The following CNOT6L variants were observed in gnomAD, a reference collection of about 807,000 sequenced individuals.
The protein encoded by CNOT6L is CCR4-NOT transcription complex subunit 6-like.
In CNOT6L, 7 loss-of-function variants were observed where a neutral mutation model predicts 64.0. The ratio of observed to expected loss-of-function variants is 0.11; its 90% confidence interval spans 0.06 to 0.21. The LOEUF (loss-of-function observed/expected upper bound fraction) is 0.21. Among genes scored for constraint, CNOT6L ranks in the 10% least tolerant of loss-of-function variants. The pLI, the probability that CNOT6L is intolerant of heterozygous loss-of-function variation, is 1.00. For missense variants in CNOT6L, 245 were observed against 669.0 expected (o/e 0.37, Z 6.99); for synonymous variants, 193 against 243.4 (o/e 0.79, Z 1.93).
chr4:77,726,942 T>C (rs911028975), intron 10 of CNOT6L, among the ~76,000 whole-genome samples: 3 of 152,202 alleles, frequency 2.0e-5, no homozygotes, highest in Non-Finnish European at 2.9e-5. Context: ...GCCAGAAGTA[T>C]ACCACTTGGC....
chr4:77,741,027 A>G (rs73827426), intron 8 of CNOT6L, among the ~76,000 whole-genome samples: 1,771 of 152,256 alleles, frequency 0.012, 35 homozygotes, highest in African/African-American at 0.04. Context: ...TCACCTAATG[A>G]TGCATTTCTC....
intron 8 of CNOT6L, among the ~76,000 whole-genome samples, chr4:77,740,747 T>C (rs1723486127): frequency 6.6e-6 from 1 of 152,196 alleles, no homozygotes; most frequent in African/African-American, 2.4e-5. Context: ...CCGATGGTAG[T>C]CCCACAAGAC....
chr4:77,731,638 T>C, intron 8 of CNOT6L, 100 bp from the exon 9 acceptor site: 1 of 856,090 alleles, frequency 1.2e-6, no homozygotes, highest in Non-Finnish European at 1.7e-6. Flanking sequence ...TGTCATTTTC[T>C]AGCTGCAAGT....
At chr4:77,725,426 G>A (rs574214485) in intron 11 of CNOT6L, among the ~76,000 whole-genome samples, 2 of 152,124 alleles carry the variant, frequency 1.3e-5, no homozygotes, top group African/African-American at 2.4e-5. Flanking sequence ...TCAAAGAGAG[G>A]TATAATAGCA....
intron 1 of CNOT6L, chr4:77,819,066 A>ACACACACACACC (rs1553900896): frequency 2.2e-5 from 16 of 712,688 alleles, no homozygotes; most frequent in Non-Finnish European, 3.9e-5. Flanking sequence ...ACACACACAC[A>ACACACACACACC]CACACACACC....
At position 77,776,367 on chromosome 4, in the gene CNOT6L, A is replaced by G; in HGVS notation, c.31T>C (p.Tyr11His). The change falls in exon 2 of 12, where the codon TAT becomes CAT. Residue 11 changes from tyrosine (Y) to histidine (H), a missense_variant. By Grantham distance (83) the Tyr-to-His change is moderately conservative (BLOSUM62 2). Coordinates refer to ENST00000504123, the MANE Select transcript of CNOT6L (RefSeq NM_144571.3). ...ATTCTGCGAGGATCTGGAGGATCAT[A>G]TTTTTCCTTTGGCATCCCTATTAGT... MRLIGMPKEK[Y>H]DPPDPRRIYT... The G allele has an allele frequency of 6.2e-7, 1 of 1,602,462 alleles. No homozygotes were observed. The highest frequency in any genetic ancestry group is 1.1e-5 in the South Asian group (1 of 90,496).
At chr4:77,780,534 A>C (rs1467621649) in intron 1 of CNOT6L, among the ~76,000 whole-genome samples, 1 of 152,190 alleles carries the variant, frequency 6.6e-6, no homozygotes. Context: ...AGCTGCTTTG[A>C]GTCTGCCATC....
rs1232513225 is a variant in CNOT6L at position 77,719,900 on chromosome 4, T to C, written c.*531A>G. Reference sequence around the variant, plus strand: ...CTTACCATGTATAGAGGCTATATCATAGTTTATGGACTGAACAAGTAAATT... The same window carrying C: ...CTTACCATGTATAGAGGCTATATCACAGTTTATGGACTGAACAAGTAAATT... On this transcript the variant is annotated 3_prime_UTR_variant, in exon 12 of 12. Coordinates refer to ENST00000504123, the MANE Select transcript of CNOT6L (RefSeq NM_144571.3). The C allele has an allele frequency of 6.5e-6, 1 of 153,428 alleles. No individual in the cohort carries two copies. Among genetic ancestry groups the C allele is most frequent in the Non-Finnish European group, 1.5e-5 (1 of 68,634 alleles). The allele number at this position is 153,428 out of a possible 1,614,324, so 9.5% of individuals were successfully genotyped here. A position where few individuals can be genotyped will look rare whatever the true frequency, so the allele number is the denominator to read the frequency against.
intron 8 of CNOT6L, among the ~76,000 whole-genome samples, chr4:77,734,113 GA>G (rs1336847235): frequency 6.6e-6 from 1 of 152,044 alleles, no homozygotes; most frequent in Non-Finnish European, 1.5e-5. Context: ...TCACTTTGGG[GA>G]AAGTCATATT....
At chr4:77,776,105 CAA>C (rs1322737902) in intron 2 of CNOT6L, among the ~76,000 whole-genome samples, 164 bp downstream of exon 2, 1 of 152,138 alleles carries the variant, frequency 6.6e-6, no homozygotes, top group African/African-American at 2.4e-5. Context: ...AAAATGGAAA[CAA>C]AGATATTCAG....
chr4:77,811,238 T>C (rs1732896056), intron 1 of CNOT6L, among the ~76,000 whole-genome samples: 1 of 152,128 alleles, frequency 6.6e-6, no homozygotes, highest in African/African-American at 2.4e-5. Context: ...GCATGTGGAC[T>C]GATGGGAAGA....
intron 4 of CNOT6L, among the ~76,000 whole-genome samples, chr4:77,771,604 A>G (rs1344805045): frequency 6.6e-6 from 1 of 152,240 alleles, no homozygotes. Flanking sequence ...GATTTAAAAA[A>G]TCAATAAAAT....
At chr4:77,760,602 C>T (rs902446256) in intron 4 of CNOT6L, among the ~76,000 whole-genome samples, 8 of 150,780 alleles carry the variant, frequency 5.3e-5, no homozygotes, top group African/African-American at 1.7e-4. Context: ...GAATTCAAAG[C>T]GTGGCACAGT....
intron 1 of CNOT6L, among the ~76,000 whole-genome samples, chr4:77,780,385 T>C (rs1303448821): frequency 6.6e-6 from 1 of 152,224 alleles, no homozygotes; most frequent in Non-Finnish European, 1.5e-5. Context: ...CAAAAGATCC[T>C]CCCATTACAT....
chr4:77,801,788 C>CT (rs1029532730), intron 1 of CNOT6L, among the ~76,000 whole-genome samples: 2 of 149,210 alleles, frequency 1.3e-5, no homozygotes, highest in Admixed American at 1.4e-4. Context: ...TACTCAGAAG[C>CT]TGAGGCAGGA....
rs1720900585 is a variant in CNOT6L, at chr4:77,717,752, AAAGGGTG to A, written c.*2672_*2678del. On this transcript the variant is annotated 3_prime_UTR_variant, in exon 12 of 12. Coordinates refer to ENST00000504123, the MANE Select transcript of CNOT6L (RefSeq NM_144571.3). ...ATACCACTCCTTTTACAAAGGGAAC[AAAGGGTG>A]AAGGGTATGTGAAATTTGGGCAGTG... 1 of 152,550 alleles carries A rather than the reference AAAGGGTG, an allele frequency of 6.6e-6. No individual in the cohort carries two copies. Among genetic ancestry groups the A allele is most frequent in the South Asian group, 2.1e-4 (1 of 4,818 alleles). The allele number at this position is 152,550 out of a possible 1,614,324, so 9.4% of individuals were successfully genotyped here.
intron 5 of CNOT6L, among the ~76,000 whole-genome samples, chr4:77,754,983 A>G (rs993785163): frequency 8.0e-5 from 12 of 149,110 alleles, no homozygotes; most frequent in African/African-American, 2.9e-4. Context: ...CTTAAAAAGG[A>G]TAAAAGCGGT....
At chr4:77,802,552 G>T (rs1453614457) in intron 1 of CNOT6L, among the ~76,000 whole-genome samples, 2 of 152,144 alleles carry the variant, frequency 1.3e-5, no homozygotes, top group African/African-American at 4.8e-5. Flanking sequence ...ATTATTTCTT[G>T]AAACTTTCCC....
chr4:77,798,762 A>G (rs977697259), intron 1 of CNOT6L, among the ~76,000 whole-genome samples: 1 of 151,260 alleles, frequency 6.6e-6, no homozygotes. Context: ...AGGTGGGAGG[A>G]TTGCTTGAGC....
Sources: allele counts gnomAD v4.1 joint callset (sites outside exome capture counted in the v4.1 genomes callset), GRCh38; gene constraint gnomAD v4.1.1; transcripts MANE v1.5; gene names NCBI Gene and HGNC (gene_info 2026-07-23, HGNC 2026-07-21).